Variants in RALY observed in about 807,000 individuals in gnomAD.
RALY encodes the protein RALY heterogeneous nuclear ribonucleoprotein, also known as RNA-binding protein Raly.
Under a neutral mutation model 30.7 loss-of-function variants are expected in RALY, and 15 were observed. The observed-to-expected ratio is 0.49, with a 90% confidence interval of 0.33 to 0.75. The LOEUF (loss-of-function observed/expected upper bound fraction) is 0.75. Among genes scored for constraint, RALY ranks in the 30% least tolerant of loss-of-function variants. RALY has a pLI of 0.02. For missense variants in RALY, 339 were observed against 414.3 expected (o/e 0.82, Z 1.58); for synonymous variants, 177 against 170.8 (o/e 1.04, Z -0.28).
At chr20:34,061,517 C>G (rs1321535640) in intron 2 of RALY, among the ~76,000 whole-genome samples, 2 of 151,852 alleles carry the variant, frequency 1.3e-5, no homozygotes, top group Non-Finnish European at 2.9e-5. Flanking sequence ...AAAAGCAAAA[C>G]AAAAGAAAAA....
chr20:34,034,414 A>G (rs1408058736), intron 2 of RALY, among the ~76,000 whole-genome samples: 1 of 152,114 alleles, frequency 6.6e-6, no homozygotes, highest in East Asian at 1.9e-4. Context: ...TTGCCTTGTT[A>G]ATCTAAAGTT....
Position 34,016,763 on chromosome 20 carries a change from T to C in RALY, c.-92-14759T>C, listed in dbSNP as rs376004226. 2.0e-4 allele frequency among the ~76,000 whole-genome samples: 31 copies of C among 152,384 alleles called. No homozygotes were observed. The East Asian group carries it at 4.4e-3, about 22-fold the overall frequency. ...ATGATGAGTTTAGTCTGGGATCTTT[T>C]TCTACCTCATAGTGTCCGTTCTCTG... On this transcript the variant is annotated intron_variant, in intron 1 of 9. Coordinates refer to ENST00000246194, the MANE Select transcript of RALY (RefSeq NM_016732.3).
chr20:34,068,259 G>T (rs570808699), intron 2 of RALY, among the ~76,000 whole-genome samples: 15 of 152,306 alleles, frequency 9.8e-5, no homozygotes, highest in African/African-American at 3.6e-4. Context: ...GCAGGAAATA[G>T]CTTACCAAGT....
At chr20:34,029,202 C>T (rs1601436950) in intron 1 of RALY, among the ~76,000 whole-genome samples, 1 of 152,166 alleles carries the variant, frequency 6.6e-6, no homozygotes, top group East Asian at 1.9e-4. Context: ...CTTTGAGAGG[C>T]CAAGGCAGGT....
At chr20:34,042,284 G>T (rs180860042) in intron 2 of RALY, among the ~76,000 whole-genome samples, 3 of 152,106 alleles carry the variant, frequency 2.0e-5, no homozygotes, top group Non-Finnish European at 4.4e-5. Flanking sequence ...ATCACAGTTC[G>T]TAAAACGACA....
chr20:34,054,257 T>C (rs1053517803), intron 2 of RALY, among the ~76,000 whole-genome samples: 3 of 152,230 alleles, frequency 2.0e-5, no homozygotes, highest in Non-Finnish European at 4.4e-5. Flanking sequence ...GTTGCTAGTA[T>C]AGTGCTGGAG....
chr20:34,057,555 T>C (rs1231639907), intron 2 of RALY, among the ~76,000 whole-genome samples: 1 of 151,230 alleles, frequency 6.6e-6, no homozygotes, highest in Non-Finnish European at 1.5e-5. Flanking sequence ...TAGTCCCAGC[T>C]ACTCTGGAGG....
chr20:34,066,945 C>T (rs1450548676), intron 2 of RALY, among the ~76,000 whole-genome samples: 1 of 152,170 alleles, frequency 6.6e-6, no homozygotes, highest in Non-Finnish European at 1.5e-5. Context: ...GCGTGTGTGG[C>T]TGACTCAAGG....
chr20:33,995,851 A>G (rs2030595458), intron 1 of RALY, among the ~76,000 whole-genome samples: 1 of 152,156 alleles, frequency 6.6e-6, no homozygotes, highest in South Asian at 2.1e-4. Flanking sequence ...ATCCAGTAAT[A>G]TTTTTATTTC....
intron 1 of RALY, among the ~76,000 whole-genome samples, chr20:34,008,265 T>A (rs1025855430): frequency 2.0e-5 from 3 of 152,192 alleles, no homozygotes; most frequent in Non-Finnish European, 2.9e-5. Context: ...AAGGTGTTAT[T>A]GCTTTTATGG....
At chr20:34,070,669 C>T (rs986614542) in intron 2 of RALY, among the ~76,000 whole-genome samples, 4 of 152,084 alleles carry the variant, frequency 2.6e-5, no homozygotes, top group African/African-American at 7.2e-5. Context: ...GACCTGTGTT[C>T]GAATGCTCAT....
intron 2 of RALY, chr20:34,065,153 TTTG>T (rs1323617753): frequency 1.3e-5 from 2 of 152,188 alleles, no homozygotes. Context: ...TCAAGAAATG[TTTG>T]TTAAGTGAGT....
At chr20:34,031,213 T>A (rs2032264059) in intron 1 of RALY, among the ~76,000 whole-genome samples, 2 of 21,568 alleles carry the variant, frequency 9.3e-5, no homozygotes, top group Admixed American at 4.8e-4. Context: ...CCTGGCTAAT[T>A]TTTTTTTTTT....
rs1192745792 is a variant in RALY at position 34,068,576 on chromosome 20, C to T, written c.-9-3490C>T. Among the ~76,000 whole-genome samples the T allele has an allele frequency of 9.9e-5, 15 of 152,192 alleles. No individual in the cohort carries two copies. In the East Asian group the frequency reaches 2.3e-3, roughly 23 times the overall value. On this transcript the variant is annotated intron_variant, in intron 2 of 9. Transcript: ENST00000246194. ...TGTCAGGCCTGCCCTATAACATTTG[C>T]AGGGCAGAGTAATAAGAGTACAAAT...
At chr20:34,048,881 C>T (rs945406124) in intron 2 of RALY, among the ~76,000 whole-genome samples, 2 of 144,456 alleles carry the variant, frequency 1.4e-5, no homozygotes, top group Non-Finnish European at 3.0e-5. Context: ...ATTTTCTCTG[C>T]ATCACCTTTG....
chr20:34,055,335 G>T (rs1321809099), intron 2 of RALY, among the ~76,000 whole-genome samples: 1 of 152,188 alleles, frequency 6.6e-6, no homozygotes, highest in African/African-American at 2.4e-5. Flanking sequence ...ATGCTGGGGT[G>T]GATTGGGCTG....
At position 34,077,116 on chromosome 20, in the gene RALY, CGGT is replaced by C; in HGVS notation, c.750_752del (p.Gly251del). The C allele has an allele frequency of 5.0e-6, 8 of 1,603,604 alleles. No individual in the cohort carries two copies. The highest frequency in any genetic ancestry group is 1.3e-5 in the African/African-American group (1 of 74,868). ...GCGGTGGCAGTGGTGGTGGCGGTGG[CGGT>C]GGCAGCAGCCGGCCACCAGCCCCCC... is the stretch of plus-strand genomic sequence containing the variant. On this transcript the variant is annotated inframe_deletion, in exon 8 of 10. Coordinates refer to ENST00000246194, the MANE Select transcript of RALY (RefSeq NM_016732.3).
intron 2 of RALY, among the ~76,000 whole-genome samples, chr20:34,043,520 A>G (rs1432733451): frequency 6.6e-6 from 1 of 152,180 alleles, no homozygotes; most frequent in Non-Finnish European, 1.5e-5. Context: ...TAAGACACAG[A>G]TCTTATTCCT....
rs146037789 is a variant in RALY at position 34,016,933 on chromosome 20, G to A, written c.-92-14589G>A. Among the ~76,000 whole-genome samples, 3 of 152,370 alleles carry A rather than the reference G, an allele frequency of 2.0e-5. No homozygotes were observed. In the East Asian group the frequency reaches 5.8e-4, roughly 29 times the overall value. On this transcript the variant is annotated intron_variant, in intron 1 of 9. Transcript: ENST00000246194. ...CCTGTAGCCAGGCCTGGGGAGCCTG[G>A]GAGGAGGCTGGAGCAGTGCTCCTAG...
Sources: gnomAD v4.1 joint callset for allele counts (sites outside exome capture counted in the v4.1 genomes callset) on GRCh38, gnomAD v4.1.1 for gene constraint, MANE v1.5 for transcripts, NCBI Gene and HGNC (gene_info 2026-07-23, HGNC 2026-07-21) for gene names.